The following TLK1 variants were observed in gnomAD, a reference collection of about 807,000 sequenced individuals.
The protein encoded by TLK1 is tousled like kinase 1.
TLK1 carries 24 observed loss-of-function variants against 105.3 expected under a neutral mutation model. That is an observed-to-expected ratio of 0.23 (90% CI 0.17 to 0.32). The LOEUF (loss-of-function observed/expected upper bound fraction) is 0.32, where lower values mean the gene tolerates loss of function less well. TLK1 is among the 10% of genes least tolerant of loss of function. TLK1 has a pLI of 1.00. For synonymous variants in TLK1, 321 were observed against 310.4 expected (o/e 1.03, Z -0.36); for missense variants, 558 against 910.5 (o/e 0.61, Z 4.98).
intron 18 of TLK1, among the ~76,000 whole-genome samples, chr2:171,004,536 G>A (rs1225121998): frequency 6.6e-6 from 1 of 152,108 alleles, no homozygotes; most frequent in Non-Finnish European, 1.5e-5. Context: ...TCTCCTTCCA[G>A]TACAGCCCCT....
chr2:171,057,907 T>C (rs2555921), intron 5 of TLK1, among the ~76,000 whole-genome samples: 3,959 of 152,198 alleles, frequency 0.026, 144 homozygotes, highest in African/African-American at 0.082. Context: ...AACACTAATA[T>C]GTATTTTGCC....
At chr2:171,049,734 T>A in intron 10 of TLK1, 80 bp downstream of exon 10, 1 of 1,552,162 alleles carries the variant, frequency 6.4e-7, no homozygotes, top group Non-Finnish European at 8.8e-7. Context: ...CTGGAGAGCA[T>A]AATTACAAAT....
intron 5 of TLK1, among the ~76,000 whole-genome samples, 161 bp downstream of exon 5, chr2:171,057,990 A>C (rs1289629135): frequency 1.3e-5 from 2 of 152,116 alleles, no homozygotes; most frequent in Non-Finnish European, 2.9e-5. Context: ...CCCAATGTAA[A>C]TGTAAATCTA....
At chr2:171,094,677 C>T (rs1265189344) in intron 2 of TLK1, among the ~76,000 whole-genome samples, 1 of 152,116 alleles carries the variant, frequency 6.6e-6, no homozygotes, top group Non-Finnish European at 1.5e-5. Flanking sequence ...GGCGTGATCT[C>T]GGCTCACTGC....
intron 11 of TLK1, among the ~76,000 whole-genome samples, chr2:171,037,384 T>C (rs1686408392): frequency 6.8e-6 from 1 of 147,694 alleles, no homozygotes; most frequent in Non-Finnish European, 1.5e-5. Flanking sequence ...GAGGTTACAG[T>C]GAGCCAAGGT....
At chr2:171,030,731 A>G (rs1346329308) in intron 11 of TLK1, among the ~76,000 whole-genome samples, 2 of 152,194 alleles carry the variant, frequency 1.3e-5, no homozygotes, top group African/African-American at 4.8e-5. Context: ...CTAATTTTTA[A>G]AAGATATTTA....
At chr2:171,132,346 T>G (rs1019723894) in intron 1 of TLK1, among the ~76,000 whole-genome samples, 1 of 151,766 alleles carries the variant, frequency 6.6e-6, no homozygotes, top group Non-Finnish European at 1.5e-5. Flanking sequence ...CCAGGACACA[T>G]GGAGATTATG....
intron 2 of TLK1, among the ~76,000 whole-genome samples, chr2:171,116,195 C>T (rs913251377): frequency 2.6e-5 from 4 of 152,062 alleles, no homozygotes; most frequent in African/African-American, 9.7e-5. Flanking sequence ...CACACAACTC[C>T]AGTTCAACAG....
chr2:171,024,331 T>C (rs1685674161), intron 12 of TLK1, among the ~76,000 whole-genome samples: 1 of 152,118 alleles, frequency 6.6e-6, no homozygotes, highest in Non-Finnish European at 1.5e-5. Flanking sequence ...ATCAATATAT[T>C]AGTTAATAAT....
At chr2:170,999,668 G>C (rs567611669) in intron 18 of TLK1, among the ~76,000 whole-genome samples, 1 of 152,344 alleles carries the variant, frequency 6.6e-6, no homozygotes, top group South Asian at 2.1e-4. Context: ...AGTATTTATA[G>C]TGCTATCCAA....
chr2:171,052,851 C>T (rs947598661), intron 8 of TLK1, among the ~76,000 whole-genome samples: 14 of 152,144 alleles, frequency 9.2e-5, no homozygotes, highest in African/African-American at 2.9e-4. Context: ...TTGGTTTTAT[C>T]GAGTTTCTAC....
chr2:171,070,250 CAGTTGTTACAAACAACTGTAACACAA>C (rs58250852), intron 3 of TLK1, among the ~76,000 whole-genome samples: 84,416 of 151,096 alleles, frequency 0.56, 25,904 homozygotes, highest in East Asian at 0.95. Flanking sequence ...TATTTTGATA[CAGTTGTTACAAACAACTGTAACACAA>C]AGGTGTTACA....
intron 2 of TLK1, among the ~76,000 whole-genome samples, chr2:171,098,259 G>A (rs778333521): frequency 2.0e-5 from 3 of 151,678 alleles, no homozygotes; most frequent in Non-Finnish European, 2.9e-5. Flanking sequence ...AATGTTTTCC[G>A]CACAAAAAAA....
At chr2:171,093,447 G>A (rs1320741572) in intron 2 of TLK1, among the ~76,000 whole-genome samples, 5 of 152,100 alleles carry the variant, frequency 3.3e-5, no homozygotes, top group African/African-American at 1.2e-4. Context: ...TGAAAAGAAA[G>A]GGCATATGGG....
intron 2 of TLK1, among the ~76,000 whole-genome samples, chr2:171,112,523 C>A (rs1182762164): frequency 6.6e-6 from 1 of 152,172 alleles, no homozygotes; most frequent in Non-Finnish European, 1.5e-5. Flanking sequence ...GCAAACATTA[C>A]ACTTAATAAA....
chr2:171,181,116 G>A (rs1438694336), intron 1 of TLK1, among the ~76,000 whole-genome samples: 1 of 152,166 alleles, frequency 6.6e-6, no homozygotes, highest in Non-Finnish European at 1.5e-5. Context: ...ATGTCTCATT[G>A]AGAGAAACAG....
intron 2 of TLK1, among the ~76,000 whole-genome samples, chr2:171,098,149 T>G (rs56405950): frequency 0.4 from 61,335 of 151,954 alleles, 14,127 homozygotes; most frequent in African/African-American, 0.61. Context: ...CAAAGGTTCA[T>G]CTACACTGAA....
At chr2:171,151,211 G>A (rs1313237679) in intron 1 of TLK1, among the ~76,000 whole-genome samples, 1 of 151,900 alleles carries the variant, frequency 6.6e-6, no homozygotes, top group Non-Finnish European at 1.5e-5. Context: ...TAGAGACAGG[G>A]TTTCACCATG....
At chr2:171,071,927 T>C (rs1688275623) in intron 3 of TLK1, among the ~76,000 whole-genome samples, 1 of 152,222 alleles carries the variant, frequency 6.6e-6, no homozygotes, top group Non-Finnish European at 1.5e-5. Flanking sequence ...TCTGTTCTGT[T>C]CCACTGGTCT....
Sources: gnomAD v4.1 joint callset for allele counts (sites outside exome capture counted in the v4.1 genomes callset) on GRCh38, gnomAD v4.1.1 for gene constraint, MANE v1.5 for transcripts, NCBI Gene and HGNC (gene_info 2026-07-23, HGNC 2026-07-21) for gene names.